CDH10: variants seen among roughly 807,000 people sequenced by gnomAD.
CDH10 encodes the protein cadherin 10.
In CDH10, 30 loss-of-function variants were observed where a neutral mutation model predicts 73.1. The ratio of observed to expected loss-of-function variants is 0.41; its 90% CI spans 0.31 to 0.56. The LOEUF (loss-of-function observed/expected upper bound fraction) is 0.56. CDH10 is among the 20% of genes least tolerant of loss of function. The pLI is 0.27. For synonymous variants in CDH10, 345 were observed against 348.2 expected (o/e 0.99, Z 0.10); for missense variants, 815 against 973.7 (o/e 0.84, Z 2.17).
chr5:24,562,001 G>T (rs554079497), intron 2 of CDH10, among the ~76,000 whole-genome samples: 9 of 87,374 alleles, frequency 1.0e-4, no homozygotes, highest in East Asian at 4.0e-4. Flanking sequence ...TTCTTGGTAG[G>T]CCCAATAAAT....
rs1008467202 is a variant in CDH10 at position 24,509,485 on chromosome 5, C to T, written c.1256+81G>A. 28 of 1,272,708 alleles carry T rather than the reference C, an allele frequency of 2.2e-5. 1 individual carries two copies. In the East Asian group the frequency reaches 2.4e-4, roughly 11 times the overall value. The allele number at this position is 1,272,708 out of a possible 1,614,324, so 78.8% of individuals were successfully genotyped here. On this transcript the variant is annotated intron_variant, in intron 7 of 11. Coordinates refer to ENST00000264463, the MANE Select transcript of CDH10 (RefSeq NM_006727.5). ...CGAACTCCTGACCTCGTGATCCACC[C>T]GCCTCGGCCTCCCAAAGTGCTGGGA...
intron 2 of CDH10, among the ~76,000 whole-genome samples, chr5:24,563,747 C>T (rs1157694135): frequency 2.1e-5 from 3 of 140,350 alleles, no homozygotes; most frequent in Middle Eastern, 3.9e-3. Flanking sequence ...CCAGCCTGGG[C>T]GACAGAGCGA....
intron 3 of CDH10, among the ~76,000 whole-genome samples, chr5:24,536,873 T>C (rs1325606191): frequency 2.0e-5 from 3 of 151,966 alleles, no homozygotes; most frequent in Non-Finnish European, 4.4e-5. Context: ...GTTTTATACA[T>C]AATAATTATA....
chr5:24,577,335 C>A (rs1745644341), intron 2 of CDH10, among the ~76,000 whole-genome samples: 1 of 152,046 alleles, frequency 6.6e-6, no homozygotes, highest in Non-Finnish European at 1.5e-5. Flanking sequence ...TATACAGGAC[C>A]TTCATATTAT....
intron 2 of CDH10, among the ~76,000 whole-genome samples, chr5:24,563,775 C>CAAAAAAAAAAAAA (rs56666966): frequency 1.6e-5 from 2 of 128,790 alleles, no homozygotes; most frequent in African/African-American, 3.0e-5. Context: ...CCCCCTCCAC[C>CAAAAAAAAAAAAA]AAAAAAAAAA....
chr5:24,593,269 G>A lies in CDH10; in HGVS notation c.222C>T (p.Tyr74=), dbSNP rs559158011. Residue 74 remains tyrosine, a synonymous_variant, in exon 2 of 12, where the codon TAC becomes TAT. Transcript: ENST00000264463. The part of the protein sequence containing the change: ...LEEYTGSDYQ[Y]VGKLHSDQDK... ...TTTAACACAAGCTTACCTTGCCTAC[G>A]TACTGATAATCAGATCCTGTATATT... 2.9e-5 allele frequency: 46 copies of A among 1,574,450 alleles called. No individual in the cohort carries two copies. Among genetic ancestry groups the A allele is most frequent in the Middle Eastern group, 3.3e-4 (2 of 5,976 alleles).
At chr5:24,547,219 T>C (rs1260770358) in intron 2 of CDH10, among the ~76,000 whole-genome samples, 1 of 152,216 alleles carries the variant, frequency 6.6e-6, no homozygotes, top group Non-Finnish European at 1.5e-5. Context: ...CTGTAATTTA[T>C]CTTAAGTGTA....
At chr5:24,502,380 CAT>C in intron 8 of CDH10, among the ~76,000 whole-genome samples, 1 of 152,234 alleles carries the variant, frequency 6.6e-6, no homozygotes, top group African/African-American at 2.4e-5. Context: ...GGCCTTAAAA[CAT>C]ATTGGTAAGA....
At chr5:24,630,550 T>TAAAAAAAAAAAAAAAAAAAAAATAA (rs11385411) in intron 1 of CDH10, among the ~76,000 whole-genome samples, 1 of 132,946 alleles carries the variant, frequency 7.5e-6, no homozygotes. Flanking sequence ...GAGATCATCT[T>TAAAAAAAAAAAAAAAAAAAAAATAA]AAAAAAAAAA....
chr5:24,529,072 A>G (rs533511039), intron 5 of CDH10, among the ~76,000 whole-genome samples: 1 of 152,114 alleles, frequency 6.6e-6, no homozygotes, highest in South Asian at 2.1e-4. Flanking sequence ...ATATTTGCAC[A>G]ATATTTTACA....
At chr5:24,566,929 A>T (rs1745185692) in intron 2 of CDH10, among the ~76,000 whole-genome samples, 1 of 152,162 alleles carries the variant, frequency 6.6e-6, no homozygotes, top group South Asian at 2.1e-4. Context: ...ATCATTTAGA[A>T]TGCCTACATA....
At chr5:24,593,009 GT>G (rs1746251686) in intron 2 of CDH10, among the ~76,000 whole-genome samples, 1 of 151,586 alleles carries the variant, frequency 6.6e-6, no homozygotes, top group African/African-American at 2.4e-5. Context: ...TAAAATTGCA[GT>G]TTTGAGTACC....
At chr5:24,512,994 C>CTTTCT (rs148523728) in intron 5 of CDH10, among the ~76,000 whole-genome samples, 17 of 149,728 alleles carry the variant, frequency 1.1e-4, no homozygotes, top group South Asian at 2.1e-4. Flanking sequence ...TGCTTTCTCT[C>CTTTCT]TTTCTTTTCT....
chr5:24,523,699 T>C (rs1025706333), intron 5 of CDH10, among the ~76,000 whole-genome samples: 5 of 152,144 alleles, frequency 3.3e-5, no homozygotes, highest in African/African-American at 1.2e-4. Flanking sequence ...TGGTCAAATA[T>C]CCAAAAATTA....
intron 2 of CDH10, among the ~76,000 whole-genome samples, chr5:24,578,994 A>G (rs1329071904): frequency 6.6e-6 from 1 of 152,080 alleles, no homozygotes; most frequent in Non-Finnish European, 1.5e-5. Flanking sequence ...AATTACCAAT[A>G]TTGACTTCTT....
intron 2 of CDH10, among the ~76,000 whole-genome samples, chr5:24,592,651 T>C (rs1469768174): frequency 6.6e-6 from 1 of 151,870 alleles, no homozygotes; most frequent in Non-Finnish European, 1.5e-5. Flanking sequence ...AAACTCTTCC[T>C]GTCCACCTCA....
chr5:24,635,094 G>A (rs553296188), intron 1 of CDH10, among the ~76,000 whole-genome samples: 43 of 151,758 alleles, frequency 2.8e-4, no homozygotes, highest in South Asian at 1.2e-3. Context: ...AATAAAACCT[G>A]TTAAATTTTT....
chr5:24,639,632 C>A lies in CDH10; in HGVS notation c.-124+4962G>T, dbSNP rs189523764. On this transcript the variant is annotated intron_variant, in intron 1 of 11. Coordinates refer to ENST00000264463, the MANE Select transcript of CDH10 (RefSeq NM_006727.5). Reference sequence around the variant, plus strand: ...ACTGGAAACAAAAGCAATGGTAGTTCTTTACAACATTTGCTCATTATATAC... The same window carrying A: ...ACTGGAAACAAAAGCAATGGTAGTTATTTACAACATTTGCTCATTATATAC... Among the ~76,000 whole-genome samples the A allele has an allele frequency of 3.3e-5, 5 of 151,804 alleles. No individual in the cohort carries two copies. The East Asian group carries it at 9.7e-4, about 29-fold the overall frequency.
At chr5:24,581,356 C>T (rs1485705595) in intron 2 of CDH10, among the ~76,000 whole-genome samples, 1 of 152,184 alleles carries the variant, frequency 6.6e-6, no homozygotes, top group Non-Finnish European at 1.5e-5. Context: ...GTCCTTTGCT[C>T]AAATATCACC....
Sources: allele counts gnomAD v4.1 joint callset (sites outside exome capture counted in the v4.1 genomes callset), GRCh38; gene constraint gnomAD v4.1.1; transcripts MANE v1.5; gene names NCBI Gene and HGNC (gene_info 2026-07-23, HGNC 2026-07-21).